The following NBEA variants were observed in gnomAD, a reference collection of about 807,000 sequenced individuals.
NBEA encodes the protein lysosomal-trafficking regulator 2.
NBEA carries 44 observed loss-of-function variants against 343.4 expected under a neutral mutation model. The ratio of observed to expected loss-of-function variants is 0.13; its 90% CI spans 0.10 to 0.16. NBEA has a LOEUF of 0.16. Ranked by LOEUF, NBEA falls within the 10% of genes least tolerant of loss-of-function variation. The pLI is 1.00. For synonymous variants in NBEA, 1,175 were observed against 1,238.7 expected (o/e 0.95, Z 1.08); for missense variants, 2,555 against 3,631.3 (o/e 0.70, Z 7.62).
intron 47 of NBEA, among the ~76,000 whole-genome samples, chr13:35,597,309 T>C (rs2081850619): frequency 6.6e-6 from 1 of 152,216 alleles, no homozygotes; most frequent in Admixed American, 6.5e-5. Context: ...ATAATGTTCA[T>C]TTTGCCATTT....
chr13:35,106,043 C>T (rs757303883), intron 11 of NBEA, among the ~76,000 whole-genome samples: 5 of 151,920 alleles, frequency 3.3e-5, no homozygotes, highest in Non-Finnish European at 5.9e-5. Context: ...GATGCTATAA[C>T]GCAACTATTT....
chr13:35,208,580 T>G, intron 31 of NBEA, 120 bp from the exon 32 acceptor site: 3 of 855,170 alleles, frequency 3.5e-6, no homozygotes, highest in Non-Finnish European at 5.0e-6. Flanking sequence ...TTTAAAATTT[T>G]TTTTTAATTA....
intron 1 of NBEA, among the ~76,000 whole-genome samples, chr13:35,038,287 C>A (rs1486683582): frequency 6.6e-6 from 1 of 152,008 alleles, no homozygotes; most frequent in Non-Finnish European, 1.5e-5. Flanking sequence ...TGGCTCAGGG[C>A]AGGTCTAGAA....
At chr13:35,000,095 C>G (rs149974044) in intron 1 of NBEA, among the ~76,000 whole-genome samples, 1 of 152,126 alleles carries the variant, frequency 6.6e-6, no homozygotes, top group East Asian at 1.9e-4. Context: ...TTAGTAATGT[C>G]CTATCCAGAC....
chr13:35,146,381 A>G lies in NBEA; in HGVS notation c.2445+4004A>G, dbSNP rs571114622. 5.2e-4 allele frequency among the ~76,000 whole-genome samples: 79 copies of G among 152,300 alleles called. 2 individuals carry two copies. The highest frequency in any genetic ancestry group is 3.7e-4 in the Non-Finnish European group (25 of 68,024). Reference sequence around the variant, plus strand: ...GACAGAGTAACTTGCCCCTGTATCAATTAAGGAATTAATATTATTTCCTGC... The same window carrying G: ...GACAGAGTAACTTGCCCCTGTATCAGTTAAGGAATTAATATTATTTCCTGC... On this transcript the variant is annotated intron_variant, in intron 18 of 58. Coordinates refer to ENST00000379939, the MANE Select transcript of NBEA (RefSeq NM_001385012.1).
intron 1 of NBEA, among the ~76,000 whole-genome samples, chr13:35,023,772 T>C (rs538514086): frequency 6.6e-5 from 10 of 152,322 alleles, no homozygotes. Context: ...TGAAGGATCA[T>C]GAATGCTATT....
chr13:34,960,569 C>T (rs1393456148), intron 1 of NBEA, among the ~76,000 whole-genome samples: 1 of 152,084 alleles, frequency 6.6e-6, no homozygotes, highest in Non-Finnish European at 1.5e-5. Flanking sequence ...GTTAAGTGTT[C>T]TCTACAGGTG....
intron 35 of NBEA, among the ~76,000 whole-genome samples, chr13:35,298,694 A>G (rs2036328945): frequency 6.6e-6 from 1 of 152,056 alleles, no homozygotes; most frequent in Admixed American, 6.5e-5. Context: ...AATTTGAAAC[A>G]TAATTTAGTG....
At chr13:35,072,192 G>C (rs538729300) in intron 10 of NBEA, among the ~76,000 whole-genome samples, 13 of 152,188 alleles carry the variant, frequency 8.5e-5, no homozygotes, top group African/African-American at 3.1e-4. Flanking sequence ...ACTGTGAAAA[G>C]AAGTGGGAGA....
intron 1 of NBEA, among the ~76,000 whole-genome samples, chr13:35,038,434 G>T (rs1593544919): frequency 6.6e-6 from 1 of 152,046 alleles, no homozygotes. Flanking sequence ...AGCGGAAGGG[G>T]TTTTGCCCCA....
At chr13:35,302,291 A>G (rs1364933410) in intron 35 of NBEA, among the ~76,000 whole-genome samples, 3 of 152,158 alleles carry the variant, frequency 2.0e-5, no homozygotes, top group Non-Finnish European at 4.4e-5. Context: ...TATGTATCTC[A>G]TACCCCAAAT....
At chr13:34,965,802 T>G (rs1290273215) in intron 1 of NBEA, among the ~76,000 whole-genome samples, 1 of 151,998 alleles carries the variant, frequency 6.6e-6, no homozygotes, top group African/African-American at 2.4e-5. Context: ...ATGTGTATAT[T>G]TATTTATAAA....
At chr13:35,120,968 A>G (rs1327881868) in intron 16 of NBEA, among the ~76,000 whole-genome samples, 6 of 152,204 alleles carry the variant, frequency 3.9e-5, no homozygotes, top group Non-Finnish European at 8.8e-5. Context: ...AACATTAGTC[A>G]TAATTTCTCT....
intron 41 of NBEA, among the ~76,000 whole-genome samples, chr13:35,486,651 A>T (rs891105530): frequency 6.6e-6 from 1 of 152,050 alleles, no homozygotes; most frequent in Admixed American, 6.6e-5. Context: ...CAGTTTCTAG[A>T]CTACATATGT....
Position 35,155,758 on chromosome 13 carries a change from A to G in NBEA, c.2446-16A>G. 1 of 1,572,006 alleles carries G rather than the reference A, an allele frequency of 6.4e-7. No individual in the cohort carries two copies. The stretch of plus-strand genomic sequence containing the variant: ...AAATTGTTTTCTAAATGAAGTTCAA[A>G]TTCTTCATTTTTCAGATCTTGACAG... On this transcript the variant is annotated splice_polypyrimidine_tract_variant and intron_variant, in intron 18 of 58. Transcript: ENST00000379939.
In NBEA at chr13:35,118,410, G is replaced by C. The variant is rs1470649796; in HGVS notation, c.2179G>C (p.Val727Leu). The change falls in exon 16 of 59, where the codon GTG (valine) becomes CTG (leucine). Residue 727 changes from valine (V) to leucine (L), a missense_variant. Val to Leu is a conservative substitution (Grantham distance 32). This residue lies in a region of NBEA where 360 missense variants were observed against 519.1 expected (regional missense o/e 0.69). Transcript: ENST00000379939. ...TATTCATGATGTGCTACAGTTACTG[G>C]TGGCTTTAATGTCGGAACACCCAGC... ...ENIHDVLQLL[V>L]ALMSEHPASM... 1.9e-6 allele frequency: 3 copies of C among 1,607,146 alleles called. No individual in the cohort carries two copies. Among genetic ancestry groups the C allele is most frequent in the Non-Finnish European group, 2.5e-6 (3 of 1,177,242 alleles).
At chr13:35,583,826 A>C (rs2081166721) in intron 45 of NBEA, 72 bp from the exon 46 acceptor site, 2 of 1,103,590 alleles carry the variant, frequency 1.8e-6, no homozygotes, top group Non-Finnish European at 2.6e-6. Flanking sequence ...GAAATACTGA[A>C]AGTATAAAGA....
At chr13:35,449,475 A>C (rs1475394644) in intron 39 of NBEA, among the ~76,000 whole-genome samples, 1 of 152,212 alleles carries the variant, frequency 6.6e-6, no homozygotes, top group Non-Finnish European at 1.5e-5. Flanking sequence ...AGTAAGAGAA[A>C]TGTTCAGTTA....
intron 55 of NBEA, among the ~76,000 whole-genome samples, chr13:35,657,311 A>T (rs1023344158): frequency 2.0e-5 from 3 of 152,262 alleles, no homozygotes; most frequent in African/African-American, 7.2e-5. Context: ...TCTATTGTAC[A>T]TACGAGTCTC....
Sources: gnomAD v4.1 joint callset for allele counts (sites outside exome capture counted in the v4.1 genomes callset) on GRCh38, gnomAD v4.1.1 for gene constraint, gnomAD v4.1.1 regional missense constraint, MANE v1.5 for transcripts, NCBI Gene and HGNC (gene_info 2026-07-23, HGNC 2026-07-21) for gene names.